The following NIPAL1 variants were observed in gnomAD, a reference collection of about 807,000 sequenced individuals.
The protein encoded by NIPAL1 is NIPA like domain containing 1, also known as magnesium transporter NIPA3.
A neutral mutation model predicts 37.7 loss-of-function variants in NIPAL1; 35 were observed. The observed-to-expected ratio is 0.93, with a 90% CI of 0.71 to 1.23. NIPAL1 has a LOEUF of 1.23. Among genes scored for constraint, NIPAL1 ranks in the 50% most tolerant of loss-of-function variants. NIPAL1 has a pLI of 0.00. For synonymous variants in NIPAL1, 162 were observed against 183.0 expected, an observed-to-expected ratio of 0.89 and a Z score of 0.93; for missense variants, 412 against 473.9, an observed-to-expected ratio of 0.87 and a Z score of 1.21.
Position 48,036,065 on chromosome 4 carries a change from G to A in NIPAL1, c.1126G>A (p.Val376Ile), listed in dbSNP as rs114576498. The A allele has an allele frequency of 1.0e-3, 1,631 of 1,610,034 alleles. 12 individuals carry two copies. In the African/African-American group the frequency reaches 0.019, roughly 19 times the overall value. The change falls in exon 6 of 6, where the codon GTC (valine) becomes ATC (isoleucine). Residue 376 changes from valine (V) to isoleucine (I), a missense_variant. Physicochemically the swap from Val to Ile is conservative, Grantham distance 29 (BLOSUM62 3). Coordinates refer to ENST00000295461, the MANE Select transcript of NIPAL1 (RefSeq NM_207330.3). ...ELTSTAKKEA[V>I]SLNVNENNYV... ...TACATCCACTGCTAAGAAAGAAGCC[G>A]TCTCTCTGAATGTCAATGAAAACAA...
At chr4:48,026,113 G>C (rs11733288) in intron 2 of NIPAL1, among the ~76,000 whole-genome samples, 124,245 of 152,078 alleles carry the variant, frequency 0.82, 51,397 homozygotes, top group Non-Finnish European at 0.89. Context: ...TACATGTATT[G>C]TTTATTGTTG....
rs1333644360 is a variant in NIPAL1 at position 48,016,831 on chromosome 4, C to G, written c.-9C>G. On this transcript the variant is annotated 5_prime_UTR_variant, in exon 1 of 6. Coordinates refer to ENST00000295461, the MANE Select transcript of NIPAL1 (RefSeq NM_207330.3). Reference sequence around the variant, plus strand: ...AGCGCCCGCGTTCCGGAAGCCCGCTCCCGGGGCCATGGGGGCACAGGTGAG... The same window carrying G: ...AGCGCCCGCGTTCCGGAAGCCCGCTGCCGGGGCCATGGGGGCACAGGTGAG... The G allele has an allele frequency of 6.3e-7, 1 of 1,575,972 alleles. No homozygotes were observed. Among genetic ancestry groups the G allele is most frequent in the Non-Finnish European group, 8.6e-7 (1 of 1,165,436 alleles).
chr4:48,032,772 A>G lies in NIPAL1; in HGVS notation c.371-221A>G, dbSNP rs113075221. Among the ~76,000 whole-genome samples, 8 of 152,158 alleles carry G rather than the reference A, an allele frequency of 5.3e-5. 1 individual carries two copies. Among genetic ancestry groups the G allele is most frequent in the African/African-American group, 1.9e-4 (8 of 41,516 alleles). ...TTAAAATGAGTACTCATCTGTCACCATTTTTTGCATCTTTTGAGTTTATCA... is the reference window on the plus strand; with the variant it reads ...TTAAAATGAGTACTCATCTGTCACCGTTTTTTGCATCTTTTGAGTTTATCA... On this transcript the variant is annotated intron_variant, in intron 3 of 5. Transcript: ENST00000295461.
rs1317136144 is a variant in NIPAL1 at position 48,025,257 on chromosome 4, G to A, written c.236G>A (p.Ser79Asn). ...YVGLVLAVSS[S>N]IFIGSSFILK... is the part of the protein sequence containing the mutation. ...GGCTTGGTACTGGCAGTAAGCTCAA[G>A]TATTTTTATTGGCTCCAGCTTCATA... The change falls in exon 2 of 6, where the codon AGT becomes AAT. Residue 79 changes from serine to asparagine, a missense_variant. Physicochemically the swap from Ser to Asn is conservative, Grantham distance 46. Transcript: ENST00000295461. 1 of 1,614,122 alleles carries A rather than the reference G, an allele frequency of 6.2e-7. No homozygotes were observed.
Position 48,035,847 on chromosome 4 carries a change from C to A in NIPAL1, c.908C>A (p.Thr303Asn). ...YLNKALDTFN[T>N]SLVTPIYYVF... ...AACAAGGCACTGGACACCTTTAATACCTCTCTTGTGACACCCATTTATTAT... is the reference window on the plus strand; with the variant it reads ...AACAAGGCACTGGACACCTTTAATAACTCTCTTGTGACACCCATTTATTAT... Residue 303 changes from threonine (T) to asparagine (N), a missense_variant, in exon 6 of 6, where the codon ACC becomes AAC. By Grantham distance (65) the Thr-to-Asn change is moderately conservative (BLOSUM62 0). Coordinates refer to ENST00000295461, the MANE Select transcript of NIPAL1 (RefSeq NM_207330.3). The A allele has an allele frequency of 2.5e-6, 4 of 1,614,042 alleles. No individual in the cohort carries two copies. The highest frequency in any genetic ancestry group is 3.4e-6 in the Non-Finnish European group (4 of 1,179,922).
chr4:48,037,134 A>G lies in NIPAL1; in HGVS notation c.*962A>G. The G allele has an allele frequency of 3.7e-6, 1 of 270,612 alleles. No homozygotes were observed. The highest frequency in any genetic ancestry group is 3.5e-5 in the South Asian group (1 of 28,470). 16.8% of individuals were successfully genotyped at this position (270,612 alleles called of 1,614,324 possible). On this transcript the variant is annotated 3_prime_UTR_variant, in exon 6 of 6. Coordinates refer to ENST00000295461, the MANE Select transcript of NIPAL1 (RefSeq NM_207330.3). Reference sequence around the variant, plus strand: ...AATACACAAGACATACCCACCCATGAAGAGTTTATGAATTGTAACTTATTG... The same window carrying G: ...AATACACAAGACATACCCACCCATGGAGAGTTTATGAATTGTAACTTATTG...
rs142281486 is a variant in NIPAL1, at chr4:48,036,146, A to G, written c.1207A>G (p.Thr403Ala). 2,778 of 1,606,008 alleles carry G rather than the reference A, an allele frequency of 1.7e-3. 6 individuals are homozygous for G. Among genetic ancestry groups the G allele is most frequent in the Non-Finnish European group, 2.2e-3 (2,593 of 1,178,208 alleles). ...AGCCCCAGGATACAATGATGACGTT[A>G]CCTTGTTTAGTAGAACTGATGACTG... Reference protein sequence around the residue: ...CSAPGYNDDVTLFSRTDD With the variant: ...CSAPGYNDDVALFSRTDD Residue 403 changes from threonine (T) to alanine (A), a missense_variant, in exon 6 of 6, where the codon ACC becomes GCC. Thr to Ala is a moderately conservative substitution (Grantham distance 58). Coordinates refer to ENST00000295461, the MANE Select transcript of NIPAL1 (RefSeq NM_207330.3).
Position 48,034,877 on chromosome 4 carries a change from A to G in NIPAL1, c.462-4A>G, listed in dbSNP as rs1367520186. 7 of 1,609,944 alleles carry G rather than the reference A, an allele frequency of 4.3e-6. No homozygotes were observed. The East Asian group carries it at 8.9e-5, about 21-fold the overall frequency. ...GTGATTTTTAATTTTTTCTCTCCCA[A>G]CAGTGCAATATTATCTTCCTACTTT... On this transcript the variant is annotated splice_polypyrimidine_tract_variant and splice_region_variant and intron_variant, in intron 4 of 5. Transcript: ENST00000295461.
intron 3 of NIPAL1, 25 bp from the exon 4 acceptor site, chr4:48,032,968 A>G (rs374347456): frequency 5.8e-6 from 9 of 1,564,344 alleles, no homozygotes; most frequent in African/African-American, 5.4e-5. Context: ...CATTTTTTAT[A>G]TCAATATCTC....
Position 48,035,720 on chromosome 4 carries a change from A to G in NIPAL1, c.781A>G (p.Ile261Val). 6.2e-7 allele frequency: 1 copy of G among 1,614,106 alleles called. No individual in the cohort carries two copies. The highest frequency in any genetic ancestry group is 8.5e-7 in the Non-Finnish European group (1 of 1,179,984). ...TTCTGTGAAAGGCCTGGGAATTGCC[A>G]TTAAGGAGCTGATAGAATGGAAGCC... is the stretch of plus-strand genomic sequence containing the variant. ...VSSVKGLGIAIKELIEWKPVY... is the reference protein window; with the variant it reads ...VSSVKGLGIAVKELIEWKPVY... Residue 261 changes from isoleucine to valine, a missense_variant, in exon 6 of 6, where the codon ATT becomes GTT. Ile to Val is a conservative substitution (Grantham distance 29). Transcript: ENST00000295461.
At chr4:48,035,098 A>G in intron 5 of NIPAL1, 57 bp downstream of exon 5, 1 of 1,355,344 alleles carries the variant, frequency 7.4e-7, no homozygotes, top group Non-Finnish European at 1.1e-6. Context: ...TCTCCTCACC[A>G]AATAGTATCT....
chr4:48,020,366 A>G (rs1715545636), intron 1 of NIPAL1, among the ~76,000 whole-genome samples: 1 of 152,346 alleles, frequency 6.6e-6, no homozygotes, highest in Middle Eastern at 3.4e-3. Context: ...CCCACTGGTT[A>G]GCGTTTGGAG....
At chr4:48,023,962 A>C (rs1056845605) in intron 1 of NIPAL1, among the ~76,000 whole-genome samples, 6 of 146,952 alleles carry the variant, frequency 4.1e-5, no homozygotes, top group African/African-American at 1.5e-4. Flanking sequence ...CAAATGAGTT[A>C]GACAGATTTC....
chr4:48,035,078 C>T (rs1390748851), intron 5 of NIPAL1, 37 bp downstream of exon 5: 5 of 1,522,264 alleles, frequency 3.3e-6, no homozygotes, highest in African/African-American at 1.4e-5. Flanking sequence ...TCAAATTCTG[C>T]TCCACTTTCT....
intron 1 of NIPAL1, among the ~76,000 whole-genome samples, chr4:48,021,180 A>G (rs1715559906): frequency 6.6e-6 from 1 of 152,182 alleles, no homozygotes; most frequent in Non-Finnish European, 1.5e-5. Context: ...TTTCTTTAAA[A>G]TATCTCTCCT....
intron 1 of NIPAL1, among the ~76,000 whole-genome samples, chr4:48,023,937 T>A (rs1017241983): frequency 2.0e-5 from 3 of 151,472 alleles, no homozygotes; most frequent in African/African-American, 7.3e-5. Flanking sequence ...ACCCACCAAA[T>A]GACTCATACC....
In NIPAL1 at chr4:48,036,225, T is replaced by G. The variant is rs1396366085; in HGVS notation, c.*53T>G. ...AATATGAGACACACGAAGAGGAAAA[T>G]GAATGCTTGCTTCTTGGAAGAACTG... is the stretch of plus-strand genomic sequence containing the variant. On this transcript the variant is annotated 3_prime_UTR_variant, in exon 6 of 6. Transcript: ENST00000295461. The G allele has an allele frequency of 4.0e-6, 6 of 1,485,062 alleles. No individual in the cohort carries two copies. The highest frequency in any genetic ancestry group is 5.4e-6 in the Non-Finnish European group (6 of 1,107,850). The allele number at this position is 1,485,062 out of a possible 1,614,324, so 92.0% of individuals were successfully genotyped here.
chr4:48,034,933 A>C lies in NIPAL1; in HGVS notation c.514A>C (p.Ile172Leu), dbSNP rs1384188155. 6.2e-7 allele frequency: 1 copy of C among 1,612,878 alleles called. No individual in the cohort carries two copies. Among genetic ancestry groups the C allele is most frequent in the Non-Finnish European group, 8.5e-7 (1 of 1,179,008 alleles). ...LNEHLNIHGKIGCILSILGST... is the reference protein window; with the variant it reads ...LNEHLNIHGKLGCILSILGST... ...CGAGCACTTGAACATTCATGGGAAA[A>C]TAGGCTGCATATTAAGTATATTGGG... Residue 172 changes from isoleucine (I) to leucine (L), a missense_variant, in exon 5 of 6, where the codon ATA becomes CTA. Ile to Leu is a conservative substitution (Grantham distance 5). Coordinates refer to ENST00000295461, the MANE Select transcript of NIPAL1 (RefSeq NM_207330.3).
intron 2 of NIPAL1, among the ~76,000 whole-genome samples, chr4:48,026,979 A>G (rs1033466824): frequency 6.6e-6 from 1 of 152,060 alleles, no homozygotes; most frequent in Non-Finnish European, 1.5e-5. Flanking sequence ...CGGCCTCCCA[A>G]AGTGCTGGGA....
Sources: allele counts gnomAD v4.1 joint callset (sites outside exome capture counted in the v4.1 genomes callset), GRCh38; gene constraint gnomAD v4.1.1; transcripts MANE v1.5; gene names NCBI Gene and HGNC (gene_info 2026-07-23, HGNC 2026-07-21).